The following NXPE2 variants were observed in gnomAD, a reference collection of about 807,000 sequenced individuals.
NXPE2 encodes neurexophilin and PC-esterase domain family member 2, also known as NXPE family member 2.
In NXPE2, 34 loss-of-function variants were observed where a neutral mutation model predicts 34.4. The observed-to-expected ratio is 0.99, with a 90% CI of 0.75 to 1.31. The LOEUF (loss-of-function observed/expected upper bound fraction) is 1.31. Among genes scored for constraint, NXPE2 ranks in the 40% most tolerant of loss-of-function variants. The probability of loss-of-function intolerance (pLI) is 0.00; values close to 1 mark genes in which losing one functional copy is unlikely to be tolerated. For missense variants in NXPE2, 649 were observed against 672.5 expected (o/e 0.97, Z 0.39); for synonymous variants, 235 against 231.3 (o/e 1.02, Z -0.15).
chr11:114,601,835 TATATATAATATAAA>T, the NXPE2 span, among the ~76,000 whole-genome samples: 2 of 67,460 alleles, frequency 3.0e-5, no homozygotes, highest in African/African-American at 1.3e-4. Context: ...TATATAATTA[TATATATAATATAAA>T]ATATATAATA....
At chr11:114,703,710 T>C (rs973120086) in intron 3 of NXPE2, among the ~76,000 whole-genome samples, 15 of 64,790 alleles carry the variant, frequency 2.3e-4, no homozygotes, top group South Asian at 2.3e-3. Flanking sequence ...GATAGATAGA[T>C]AGATAGACAG....
At chr11:114,625,882 A>G in the NXPE2 span, among the ~76,000 whole-genome samples, 2 of 152,172 alleles carry the variant, frequency 1.3e-5, no homozygotes, top group Admixed American at 6.5e-5. Context: ...GGGGTCAGGG[A>G]GTTCCCTTTC....
chr11:114,562,136 C>A, the NXPE2 span, among the ~76,000 whole-genome samples: 1 of 152,174 alleles, frequency 6.6e-6, no homozygotes, highest in Non-Finnish European at 1.5e-5. Flanking sequence ...TTATGCCTCT[C>A]TTTCAAGTGT....
chr11:114,651,001 T>A, the NXPE2 span, among the ~76,000 whole-genome samples: 1 of 152,080 alleles, frequency 6.6e-6, no homozygotes, highest in African/African-American at 2.4e-5. Flanking sequence ...GCCCCCACCC[T>A]AAGCACAAGG....
At chr11:114,723,354 G>T in the NXPE2 span, among the ~76,000 whole-genome samples, 2 of 152,134 alleles carry the variant, frequency 1.3e-5, no homozygotes. Context: ...AGAAGGAAAG[G>T]ATGAAAGGAA....
At chr11:114,723,328 A>G in the NXPE2 span, among the ~76,000 whole-genome samples, 1 of 152,164 alleles carries the variant, frequency 6.6e-6, no homozygotes, top group African/African-American at 2.4e-5. Flanking sequence ...AGAAGGGGAA[A>G]GTAAAGAAGG....
the NXPE2 span, among the ~76,000 whole-genome samples, chr11:114,754,159 A>G: frequency 1.3e-5 from 2 of 152,108 alleles, no homozygotes; most frequent in Non-Finnish European, 2.9e-5. Flanking sequence ...TTATTAATGA[A>G]ATTATTGTTG....
the NXPE2 span, among the ~76,000 whole-genome samples, chr11:114,741,756 C>A: frequency 6.6e-6 from 1 of 152,186 alleles, no homozygotes. Flanking sequence ...TTGTAGTTCA[C>A]TGAGATGTCT....
chr11:114,618,937 C>G, the NXPE2 span, among the ~76,000 whole-genome samples: 13 of 151,950 alleles, frequency 8.6e-5, no homozygotes, highest in African/African-American at 3.1e-4. Flanking sequence ...CTGCTACCCA[C>G]TGGATAATAA....
At chr11:114,673,967 A>G (rs1006053392), upstream of NXPE2, among the ~76,000 whole-genome samples, 4 of 151,846 alleles carry the variant, frequency 2.6e-5, no homozygotes, top group Non-Finnish European at 4.4e-5. Flanking sequence ...TTATCAGCTT[A>G]TCTTCACAAG....
chr11:114,808,009 C>A, the NXPE2 span, among the ~76,000 whole-genome samples: 1 of 152,210 alleles, frequency 6.6e-6, no homozygotes, highest in Non-Finnish European at 1.5e-5. Flanking sequence ...GACCACAGTG[C>A]AATCAAACTA....
chr11:114,559,551 A>T, the NXPE2 span, among the ~76,000 whole-genome samples: 12 of 151,920 alleles, frequency 7.9e-5, no homozygotes, highest in African/African-American at 1.4e-4. Flanking sequence ...TTTTATCTTG[A>T]TGCTGTCTCA....
At chr11:114,630,779 T>G in the NXPE2 span, among the ~76,000 whole-genome samples, 1 of 151,180 alleles carries the variant, frequency 6.6e-6, no homozygotes, top group Non-Finnish European at 1.5e-5. Context: ...ACTCATCTGA[T>G]AAAGGGTTAA....
the NXPE2 span, among the ~76,000 whole-genome samples, chr11:114,558,236 G>A: frequency 4.6e-5 from 7 of 152,046 alleles, no homozygotes; most frequent in African/African-American, 1.7e-4. Flanking sequence ...CCATATATAT[G>A]CACATTCTAT....
the NXPE2 span, among the ~76,000 whole-genome samples, chr11:114,751,485 G>A: frequency 6.6e-6 from 1 of 152,080 alleles, no homozygotes; most frequent in Non-Finnish European, 1.5e-5. Flanking sequence ...GTAAACAAAA[G>A]TGACAAAACC....
the NXPE2 span, among the ~76,000 whole-genome samples, chr11:114,772,655 G>A: frequency 8.5e-5 from 13 of 152,110 alleles, no homozygotes; most frequent in South Asian, 1.7e-3. Flanking sequence ...AGAGGGAAAC[G>A]CCATGGACAC....
the NXPE2 span, among the ~76,000 whole-genome samples, chr11:114,758,996 A>T: frequency 3.9e-5 from 6 of 152,024 alleles, no homozygotes; most frequent in African/African-American, 1.2e-4. Flanking sequence ...TAATCATCCA[A>T]AGAAACACAT....
chr11:114,556,752 C>A, the NXPE2 span, among the ~76,000 whole-genome samples: 1 of 151,964 alleles, frequency 6.6e-6, no homozygotes, highest in Non-Finnish European at 1.5e-5. Flanking sequence ...CTCATCTAAG[C>A]CACTCTGACA....
chr11:114,470,443 A>G, the NXPE2 span, among the ~76,000 whole-genome samples: 6 of 152,204 alleles, frequency 3.9e-5, no homozygotes, highest in Non-Finnish European at 8.8e-5. Flanking sequence ...TCCCTAATGC[A>G]AATGACTGAT....
Sources: allele counts gnomAD v4.1 joint callset (sites outside exome capture counted in the v4.1 genomes callset), GRCh38; gene constraint gnomAD v4.1.1; transcripts MANE v1.5; gene names NCBI Gene and HGNC (gene_info 2026-07-23, HGNC 2026-07-21).